The following FHIT variants were observed in gnomAD, a reference collection of about 807,000 sequenced individuals.
FHIT encodes fragile histidine triad diadenosine triphosphatase.
A neutral mutation model predicts 17.9 loss-of-function variants in FHIT; 19 were observed. The ratio of observed to expected loss-of-function variants is 1.06; its 90% CI spans 0.74 to 1.56. FHIT has a LOEUF of 1.56. Among genes scored for constraint, FHIT ranks in the 40% most tolerant of loss-of-function variants. The pLI is 0.00. For missense variants in FHIT, 248 were observed against 189.2 expected, an observed-to-expected ratio of 1.31 and a Z score of -1.82; for synonymous variants, 81 against 69.7, an observed-to-expected ratio of 1.16 and a Z score of -0.81.
chr3:60,325,001 CA>C (rs1259768727), intron 5 of FHIT, among the ~76,000 whole-genome samples: 2 of 152,094 alleles, frequency 1.3e-5, no homozygotes, highest in East Asian at 3.9e-4. Context: ...GAAGGTCACA[CA>C]AAGGTGACTG....
chr3:60,925,573 A>G (rs1226128326), intron 3 of FHIT, among the ~76,000 whole-genome samples: 1 of 152,218 alleles, frequency 6.6e-6, no homozygotes, highest in Non-Finnish European at 1.5e-5. Flanking sequence ...CTAAACATGG[A>G]AAGGAACAAC....
intron 5 of FHIT, among the ~76,000 whole-genome samples, chr3:60,050,839 T>G (rs1701842761): frequency 6.6e-6 from 1 of 152,242 alleles, no homozygotes; most frequent in African/African-American, 2.4e-5. Context: ...CCTTAGCAAG[T>G]GATATTCCAG....
rs1559644017 is a variant in FHIT, at chr3:60,114,001, C to CAAAAAA, written c.104-99850_104-99849insTTTTTT. Reference sequence around the variant, plus strand: ...TGGGCAATAGAACAAGACCCCGTCTCCAAAAAAAAAAAAAAAAAAAAAAAA... The same window carrying CAAAAAA: ...TGGGCAATAGAACAAGACCCCGTCTCAAAAAACAAAAAAAAAAAAAAAAAAAAAAAA... On this transcript the variant is annotated intron_variant, in intron 5 of 9. Coordinates refer to ENST00000492590, the MANE Select transcript of FHIT (RefSeq NM_002012.4). 2.2e-4 allele frequency among the ~76,000 whole-genome samples: 4 copies of CAAAAAA among 17,920 alleles called. 1 individual carries two copies. The highest frequency in any genetic ancestry group is 9.2e-4 in the African/African-American group (2 of 2,164). 11.8% of individuals were successfully genotyped at this position (17,920 alleles called of 152,430 possible). A position where few individuals can be genotyped will look rare whatever the true frequency, so the allele number is the denominator to read the frequency against.
intron 3 of FHIT, among the ~76,000 whole-genome samples, chr3:61,036,781 G>A (rs1048817003): frequency 3.3e-5 from 5 of 152,122 alleles, no homozygotes; most frequent in Non-Finnish European, 7.4e-5. Context: ...CACTGGTCAT[G>A]GAGGTGGCAC....
intron 2 of FHIT, among the ~76,000 whole-genome samples, chr3:61,153,117 T>C (rs1034847037): frequency 2.2e-5 from 3 of 133,886 alleles, no homozygotes; most frequent in African/African-American, 5.7e-5. Flanking sequence ...TACTCCAGCC[T>C]GGGTGCCAGA....
chr3:60,400,119 G>A (rs1392351288), intron 5 of FHIT, among the ~76,000 whole-genome samples: 1 of 152,106 alleles, frequency 6.6e-6, no homozygotes, highest in Non-Finnish European at 1.5e-5. Flanking sequence ...TGCTTTAGTT[G>A]GTCTTTGAGT....
chr3:60,241,056 T>A (rs1271897289), intron 5 of FHIT, among the ~76,000 whole-genome samples: 1 of 152,178 alleles, frequency 6.6e-6, no homozygotes, highest in African/African-American at 2.4e-5. Context: ...GAGTATCTTT[T>A]AAATACTAAA....
intron 4 of FHIT, among the ~76,000 whole-genome samples, chr3:60,749,289 A>G (rs868931995): frequency 1.4e-5 from 2 of 139,554 alleles, no homozygotes; most frequent in South Asian, 2.5e-4. Context: ...TAGTCAAATA[A>G]GAGAAGCTCT....
intron 5 of FHIT, among the ~76,000 whole-genome samples, chr3:60,418,370 ATGTG>A (rs59887101): frequency 0.53 from 57,665 of 108,078 alleles, 16,969 homozygotes; most frequent in Non-Finnish European, 0.63. Flanking sequence ...ATGTATCTGA[ATGTG>A]TGTATATATA....
chr3:60,777,174 A>C (rs966476027), intron 4 of FHIT, among the ~76,000 whole-genome samples: 2 of 152,206 alleles, frequency 1.3e-5, no homozygotes, highest in African/African-American at 4.8e-5. Flanking sequence ...TTACAGACTT[A>C]TTGTGAGCCA....
At chr3:61,175,025 G>C (rs1478102734) in intron 2 of FHIT, among the ~76,000 whole-genome samples, 2 of 152,044 alleles carry the variant, frequency 1.3e-5, no homozygotes, top group Non-Finnish European at 2.9e-5. Flanking sequence ...AGAAGACCTG[G>C]ATCCTAACAG....
chr3:60,313,589 T>TA (rs1432394675), intron 5 of FHIT, among the ~76,000 whole-genome samples: 1 of 152,240 alleles, frequency 6.6e-6, no homozygotes, highest in Non-Finnish European at 1.5e-5. Flanking sequence ...GACAAAGTGA[T>TA]ACTGCTGTGG....
At chr3:60,722,707 CTTTTT>C (rs1157024624) in intron 4 of FHIT, among the ~76,000 whole-genome samples, 25 of 104,964 alleles carry the variant, frequency 2.4e-4, no homozygotes, top group African/African-American at 8.8e-4. Context: ...TACCTTAAAT[CTTTTT>C]TTTTTTTTTT....
intron 3 of FHIT, among the ~76,000 whole-genome samples, chr3:60,862,184 G>T (rs1559783355): frequency 6.6e-6 from 1 of 151,946 alleles, no homozygotes; most frequent in Non-Finnish European, 1.5e-5. Context: ...TTTTGTTTTT[G>T]TTTTTGTTTT....
At chr3:60,398,037 G>A (rs116554777) in intron 5 of FHIT, among the ~76,000 whole-genome samples, 1 of 151,992 alleles carries the variant, frequency 6.6e-6, no homozygotes, top group South Asian at 2.1e-4. Flanking sequence ...TCTTTGCTGA[G>A]AGCTTTCTTT....
At chr3:60,565,746 G>A (rs552056482) in intron 4 of FHIT, among the ~76,000 whole-genome samples, 1 of 152,232 alleles carries the variant, frequency 6.6e-6, no homozygotes, top group African/African-American at 2.4e-5. Flanking sequence ...AGGGTTTTTT[G>A]TGTCTCTATT....
chr3:61,178,036 A>G (rs1301951785), intron 2 of FHIT, among the ~76,000 whole-genome samples: 1 of 152,210 alleles, frequency 6.6e-6, no homozygotes, highest in Non-Finnish European at 1.5e-5. Flanking sequence ...CACTTGAAGG[A>G]TGGCAAAGGA....
chr3:61,216,876 C>G (rs2039692620), intron 1 of FHIT, among the ~76,000 whole-genome samples: 1 of 152,006 alleles, frequency 6.6e-6, no homozygotes, highest in Middle Eastern at 3.4e-3. Flanking sequence ...TCATCATTCT[C>G]AGTAAACTAT....
intron 8 of FHIT, among the ~76,000 whole-genome samples, chr3:59,838,993 C>G (rs896559255): frequency 6.6e-6 from 1 of 152,072 alleles, no homozygotes; most frequent in Non-Finnish European, 1.5e-5. Flanking sequence ...AAAAAGAGAT[C>G]TATTCCACAA....
Sources: gnomAD v4.1 joint callset for allele counts (sites outside exome capture counted in the v4.1 genomes callset) on GRCh38, gnomAD v4.1.1 for gene constraint, MANE v1.5 for transcripts, NCBI Gene and HGNC (gene_info 2026-07-23, HGNC 2026-07-21) for gene names.